FGFR1: variants seen among roughly 807,000 people sequenced by gnomAD.
The protein encoded by FGFR1 is fibroblast growth factor receptor 1.
FGFR1 carries 18 observed loss-of-function variants against 93.7 expected under a neutral mutation model. The ratio of observed to expected loss-of-function variants is 0.19; its 90% CI spans 0.13 to 0.28. The LOEUF (loss-of-function observed/expected upper bound fraction) is 0.28. FGFR1 is among the 10% of genes least tolerant of loss of function. The pLI is 1.00. For missense variants in FGFR1, 731 were observed against 1,080.4 expected (o/e 0.68, Z 4.53); for synonymous variants, 448 against 429.3 (o/e 1.04, Z -0.54).
chr8:38,439,656 C>A (rs1440313785), intron 2 of FGFR1, among the ~76,000 whole-genome samples: 1 of 152,188 alleles, frequency 6.6e-6, no homozygotes, highest in Non-Finnish European at 1.5e-5. Context: ...TTCCACCTCC[C>A]CAGTGGAGCC....
intron 2 of FGFR1, among the ~76,000 whole-genome samples, chr8:38,437,596 C>G (rs1825871722): frequency 6.6e-6 from 1 of 152,028 alleles, no homozygotes; most frequent in Non-Finnish European, 1.5e-5. Context: ...CTGGGGGGAA[C>G]AGAAGAGAAT....
At chr8:38,445,721 A>G (rs62505472) in intron 2 of FGFR1, among the ~76,000 whole-genome samples, 2 of 148,998 alleles carry the variant, frequency 1.3e-5, no homozygotes, top group South Asian at 2.1e-4. Context: ...TTTTTTTTTA[A>G]TATTTTTAGT....
chr8:38,415,210 C>T (rs1256944726), intron 13 of FGFR1, among the ~76,000 whole-genome samples: 3 of 152,216 alleles, frequency 2.0e-5, no homozygotes, highest in African/African-American at 7.2e-5. Context: ...TCAAACCAGG[C>T]CAGCCCTTAC....
intron 2 of FGFR1, among the ~76,000 whole-genome samples, chr8:38,451,580 C>T (rs1193937703): frequency 2.6e-5 from 4 of 152,138 alleles, no homozygotes; most frequent in African/African-American, 9.7e-5. Flanking sequence ...GTGGTGCACA[C>T]AGGGCATCCA....
At position 38,425,446 on chromosome 8, in the gene FGFR1, C is replaced by A. The variant is rs550281650; in HGVS notation, c.745+676G>T. 2.0e-5 allele frequency among the ~76,000 whole-genome samples: 3 copies of A among 152,280 alleles called. No individual in the cohort carries two copies. The South Asian group carries it at 6.2e-4, about 32-fold the overall frequency. On this transcript the variant is annotated intron_variant, in intron 6 of 17. Coordinates refer to ENST00000447712, the MANE Select transcript of FGFR1 (RefSeq NM_023110.3). The stretch of plus-strand genomic sequence containing the variant: ...CACAGGCGTGAGTAATCCCATCATG[C>A]CACCTGGAGCTCATAAGCCACTGCT...
At position 38,429,466 on chromosome 8, in the gene FGFR1, C is replaced by T; in HGVS notation, c.358+216G>A. On this transcript the variant is annotated intron_variant, in intron 3 of 17. Coordinates refer to ENST00000447712, the MANE Select transcript of FGFR1 (RefSeq NM_023110.3). The surrounding 1 kb of genome is among the most constrained non-coding windows in gnomAD (Gnocchi z 4.4). Reference sequence around the variant, plus strand: ...TCACCTCCGAGGTGTGTCCTGGAAGCCCCAGATCTCCGGCCCTGGGGCCCA... The same window carrying T: ...TCACCTCCGAGGTGTGTCCTGGAAGTCCCAGATCTCCGGCCCTGGGGCCCA... The T allele has an allele frequency of 2.8e-6, 2 of 702,222 alleles. No homozygotes were observed. The highest frequency in any genetic ancestry group is 1.5e-5 in the South Asian group (1 of 66,070). 43.5% of individuals were successfully genotyped at this position (702,222 alleles called of 1,614,324 possible). A position where few individuals can be genotyped will look rare whatever the true frequency, so the allele number is the denominator to read the frequency against.
intron 2 of FGFR1, among the ~76,000 whole-genome samples, chr8:38,445,129 C>T (rs1341316702): frequency 1.3e-5 from 2 of 152,208 alleles, no homozygotes; most frequent in East Asian, 1.9e-4. Context: ...AGAGGGGCAT[C>T]GCTTACTGGC....
Position 38,455,382 on chromosome 8 carries a change from G to A in FGFR1, c.91+1974C>T, listed in dbSNP as rs147710673. Among the ~76,000 whole-genome samples, 84 of 152,270 alleles carry A rather than the reference G, an allele frequency of 5.5e-4. No individual in the cohort carries two copies. The East Asian group carries it at 0.01, about 19-fold the overall frequency. ...TGCATGCTCTGCCTCCCGGGTTCAC[G>A]CCATTCTCCTGCCTCAGCTGGAGAC... On this transcript the variant is annotated intron_variant, in intron 2 of 17. Coordinates refer to ENST00000447712, the MANE Select transcript of FGFR1 (RefSeq NM_023110.3).
chr8:38,460,964 T>A (rs1193782559), intron 1 of FGFR1: 5 of 1,158,262 alleles, frequency 4.3e-6, no homozygotes, highest in Non-Finnish European at 6.2e-6. Context: ...CTGCAGCTGG[T>A]TCCCCCCGCC....
chr8:38,414,637 C>T lies in FGFR1; in HGVS notation c.1978-8G>A, dbSNP rs2150553323. 1 of 1,613,722 alleles carries T rather than the reference C, an allele frequency of 6.2e-7. No individual in the cohort carries two copies. The highest frequency in any genetic ancestry group is 2.2e-5 in the East Asian group (1 of 44,876). On this transcript the variant is annotated splice_region_variant and splice_polypyrimidine_tract_variant and intron_variant, in intron 14 of 17. Coordinates refer to ENST00000447712, the MANE Select transcript of FGFR1 (RefSeq NM_023110.3). ...CTTCACAGGCAGTCGGCCCTGAAAG[C>T]AGCACAGGGGAGGTTGGAGTGGCCC... is the stretch of plus-strand genomic sequence containing the variant.
chr8:38,429,903 T>G lies in FGFR1; in HGVS notation c.137A>C (p.His46Pro), dbSNP rs1586381054. ...GCGAAGCTGCAGCAGGTCACCGGGG[T>G]GGACCAGGAAGGACTCCACTTCCAC... The part of the protein sequence containing the change: ...APVEVESFLV[H>P]PGDLLQLRCR... Residue 46 changes from histidine (H) to proline (P), a missense_variant, in exon 3 of 18, where the codon CAC becomes CCC. This residue lies in a region of FGFR1 where 212 missense variants were observed against 205.8 expected (regional missense o/e 1.03). Transcript: ENST00000447712. The surrounding 1 kb of genome is among the most constrained non-coding windows in gnomAD (Gnocchi z 4.4). 6.2e-7 allele frequency: 1 copy of G among 1,613,552 alleles called. No homozygotes were observed.
intron 2 of FGFR1, among the ~76,000 whole-genome samples, chr8:38,432,769 T>C (rs572789817): frequency 1.3e-5 from 2 of 152,254 alleles, no homozygotes; most frequent in African/African-American, 4.8e-5. Context: ...GTGCTTGACA[T>C]TATTTTCCTG....
intron 2 of FGFR1, among the ~76,000 whole-genome samples, chr8:38,432,634 T>C (rs1586427296): frequency 6.6e-6 from 1 of 152,140 alleles, no homozygotes; most frequent in East Asian, 1.9e-4. Context: ...CTAAAGCTCC[T>C]GACCTCGTGA....
chr8:38,424,547 T>C lies in FGFR1; in HGVS notation c.898A>G (p.Ile300Val). 6.2e-7 allele frequency: 1 copy of C among 1,614,224 alleles called. No homozygotes were observed. Among genetic ancestry groups the C allele is most frequent in the Non-Finnish European group, 8.5e-7 (1 of 1,180,044 alleles). Residue 300 changes from isoleucine to valine, a missense_variant, in exon 7 of 18, where the codon ATT (isoleucine) becomes GTT (valine). Ile to Val is a conservative substitution (Grantham distance 29, BLOSUM62 3). Transcript: ENST00000447712. The surrounding 1 kb of genome is among the most constrained non-coding windows in gnomAD (Gnocchi z 4.3). ...LKHIEVNGSK[I>V]GPDNLPYVQI... is the part of the protein sequence containing the mutation. ...ACATAAGGCAGGTTGTCTGGGCCAA[T>C]CTTGCTCCCATTCACCTCGATGTGC...
chr8:38,414,009 C>T lies in FGFR1; in HGVS notation c.2201G>A (p.Arg734Gln), dbSNP rs760882547. ...TGAGGGCACTGCATGCCAGCAGTCC[C>T]GCATCATCATGTACCTGCGGCAGGA... is the stretch of plus-strand genomic sequence containing the variant. ...NCTNELYMMM[R>Q]DCWHAVPSQR... The change falls in exon 17 of 18, where the codon CGG (arginine) becomes CAG (glutamine). Residue 734 changes from arginine to glutamine, a missense_variant. Arg to Gln is a conservative substitution (Grantham distance 43). Transcript: ENST00000447712. 2.7e-5 allele frequency: 44 copies of T among 1,613,906 alleles called. No individual in the cohort carries two copies. The East Asian group carries it at 9.1e-4, about 34-fold the overall frequency.
chr8:38,449,335 T>C (rs143348631), intron 2 of FGFR1, among the ~76,000 whole-genome samples: 1 of 152,172 alleles, frequency 6.6e-6, no homozygotes, highest in East Asian at 1.9e-4. Context: ...AAAGTATACA[T>C]TGTATTTACG....
At chr8:38,467,194 T>G (rs1338860962) in intron 1 of FGFR1, among the ~76,000 whole-genome samples, 1 of 152,040 alleles carries the variant, frequency 6.6e-6, no homozygotes. Flanking sequence ...ACACCTCGGC[T>G]TAACGACCGT....
In FGFR1 at chr8:38,411,787, A is replaced by G. The variant is rs1425559852; in HGVS notation, c.*1841T>C. 1 of 230,910 alleles carries G rather than the reference A, an allele frequency of 4.3e-6. No homozygotes were observed. Among genetic ancestry groups the G allele is most frequent in the Non-Finnish European group, 8.6e-6 (1 of 116,276 alleles). 14.3% of individuals were successfully genotyped at this position (230,910 alleles called of 1,614,324 possible). A position where few individuals can be genotyped will look rare whatever the true frequency, so the allele number is the denominator to read the frequency against. ...CAGCCAAAAAACCAAAAACATTCGG[A>G]GAATTTTCCCCCCGTTCCTGAGGGA... is the stretch of plus-strand genomic sequence containing the variant. On this transcript the variant is annotated 3_prime_UTR_variant, in exon 18 of 18. Coordinates refer to ENST00000447712, the MANE Select transcript of FGFR1 (RefSeq NM_023110.3).
rs968255912 is a variant in FGFR1, at chr8:38,429,528, G to T, written c.358+154C>A. 5.5e-6 allele frequency: 5 copies of T among 910,810 alleles called. No homozygotes were observed. Among genetic ancestry groups the T allele is most frequent in the African/African-American group, 4.9e-5 (3 of 61,108 alleles). The allele number at this position is 910,810 out of a possible 1,614,324, so 56.4% of individuals were successfully genotyped here. On this transcript the variant is annotated intron_variant, in intron 3 of 17. Transcript: ENST00000447712. The surrounding 1 kb of genome is among the most constrained non-coding windows in gnomAD (Gnocchi z 4.4). ...CACCTCTCTGAGAGCCAAGCCACGC[G>T]GCAGGCAGGGAGCAATGTTAGTGGG...
Sources: allele counts gnomAD v4.1 joint callset (sites outside exome capture counted in the v4.1 genomes callset), GRCh38; gene constraint gnomAD v4.1.1; regional missense constraint gnomAD v4.1.1; non-coding constraint Gnocchi (gnomAD v3.1); transcripts MANE v1.5; gene names NCBI Gene and HGNC (gene_info 2026-07-23, HGNC 2026-07-21).